ZFC3H1: variants seen among roughly 807,000 people sequenced by gnomAD.
The protein encoded by ZFC3H1 is zinc finger C3H1-type containing.
ZFC3H1 carries 71 observed loss-of-function variants against 243.7 expected under a neutral mutation model. That is an observed-to-expected ratio of 0.29 (90% CI 0.24 to 0.36). The LOEUF is 0.36. Ranked by LOEUF, ZFC3H1 falls within the 10% of genes least tolerant of loss-of-function variation. The pLI, the probability that ZFC3H1 is intolerant of heterozygous loss-of-function variation, is 1.00. For synonymous variants in ZFC3H1, 838 were observed against 813.0 expected, an observed-to-expected ratio of 1.03 and a Z score of -0.52; for missense variants, 1,966 against 2,317.1, an observed-to-expected ratio of 0.85 and a Z score of 3.11.
At position 71,645,209 on chromosome 12, in the gene ZFC3H1, A is replaced by C. The variant is rs190462751; in HGVS notation, c.1081-134T>G. Reference sequence around the variant, plus strand: ...TGACAAGGCAAATACAGATAAAATAAGTAAACTAATTTACTTCCCACAGCC... The same window carrying C: ...TGACAAGGCAAATACAGATAAAATACGTAAACTAATTTACTTCCCACAGCC... On this transcript the variant is annotated intron_variant, in intron 3 of 34. Coordinates refer to ENST00000378743, the MANE Select transcript of ZFC3H1 (RefSeq NM_144982.5). 69 of 778,360 alleles carry C rather than the reference A, an allele frequency of 8.9e-5. No individual in the cohort carries two copies. In the East Asian group the frequency reaches 1.8e-3, roughly 21 times the overall value. 48.2% of individuals were successfully genotyped at this position (778,360 alleles called of 1,614,324 possible). A position where few individuals can be genotyped will look rare whatever the true frequency, so the allele number is the denominator to read the frequency against.
chr12:71,619,865 G>T, intron 26 of ZFC3H1, 61 bp downstream of exon 26: 1 of 1,486,754 alleles, frequency 6.7e-7, no homozygotes, highest in Non-Finnish European at 9.1e-7. Flanking sequence ...TTCCTGGTGA[G>T]GCCAATAGCA....
At chr12:71,659,144 A>G (rs1197800110) in intron 1 of ZFC3H1, among the ~76,000 whole-genome samples, 1 of 152,126 alleles carries the variant, frequency 6.6e-6, no homozygotes, top group Non-Finnish European at 1.5e-5. Flanking sequence ...TCTCATTTTG[A>G]GCATTCTAAT....
At position 71,632,930 on chromosome 12, in the gene ZFC3H1, T is replaced by C. The variant is rs1271007531; in HGVS notation, c.2773A>G (p.Ser925Gly). The change falls in exon 14 of 35, where the codon AGT becomes GGT. Residue 925 changes from serine to glycine, a missense_variant. This residue lies in a region of ZFC3H1 where 1,383 missense variants were observed against 1,723.7 expected (regional missense o/e 0.80). Transcript: ENST00000378743. Reference protein sequence around the residue: ...EELARAKAVASKEIGKRKLEQ... With the variant: ...EELARAKAVAGKEIGKRKLEQ... ...AGTTTACGTTTTCCTATTTCTTTAC[T>C]GGCCACTGCCTTTGCCCGAGCAAGC... The C allele has an allele frequency of 6.2e-7, 1 of 1,613,496 alleles. No individual in the cohort carries two copies. Among genetic ancestry groups the C allele is most frequent in the Non-Finnish European group, 8.5e-7 (1 of 1,179,854 alleles).
At position 71,610,559 on chromosome 12, in the gene ZFC3H1, A is replaced by G. The variant is rs765868931; in HGVS notation, c.5839T>C (p.Leu1947=). Residue 1947 remains leucine, a synonymous_variant, in exon 35 of 35, where the codon TTG becomes CTG. Coordinates refer to ENST00000378743, the MANE Select transcript of ZFC3H1 (RefSeq NM_144982.5). ...LCASLWKDQL[L]FEASEGGKTD... is the part of the protein sequence containing the mutation. Reference sequence around the variant, plus strand: ...TTACCTCCTTCTGATGCTTCAAACAAGAGTTGCTGTAAAAGACAGGGAAGC... The same window carrying G: ...TTACCTCCTTCTGATGCTTCAAACAGGAGTTGCTGTAAAAGACAGGGAAGC... The G allele has an allele frequency of 3.1e-6, 5 of 1,613,300 alleles. No homozygotes were observed. The highest frequency in any genetic ancestry group is 4.2e-6 in the Non-Finnish European group (5 of 1,179,506).
At chr12:71,633,160 A>G (rs1336147777) in intron 13 of ZFC3H1, 104 bp downstream of exon 13, 2 of 1,398,140 alleles carry the variant, frequency 1.4e-6, no homozygotes, top group Admixed American at 2.9e-5. Flanking sequence ...ACTATAGGTT[A>G]TGCATATTTT....
At chr12:71,662,497 T>TC (rs150388437) in intron 1 of ZFC3H1, among the ~76,000 whole-genome samples, 20,371 of 102,846 alleles carry the variant, frequency 0.2, 1,535 homozygotes, top group East Asian at 0.37. Context: ...TTTTTACCCC[T>TC]CCCCCCCCCA....
At chr12:71,618,083 G>C (rs569237462) in intron 27 of ZFC3H1, among the ~76,000 whole-genome samples, 29 of 152,082 alleles carry the variant, frequency 1.9e-4, no homozygotes, top group African/African-American at 5.1e-4. Context: ...TGGGTAACAC[G>C]GTGAAACCTG....
At chr12:71,612,177 C>T (rs751618262) in intron 31 of ZFC3H1, among the ~76,000 whole-genome samples, 1 of 150,980 alleles carries the variant, frequency 6.6e-6, no homozygotes, top group Admixed American at 6.6e-5. Context: ...TGTTTCCCAC[C>T]CCAATTTTTT....
chr12:71,615,415 G>T (rs1879871485), intron 27 of ZFC3H1, 99 bp from the exon 28 acceptor site: 1 of 788,840 alleles, frequency 1.3e-6, no homozygotes, highest in Non-Finnish European at 2.0e-6. Context: ...AAATTTCATT[G>T]AAATATTTTT....
chr12:71,661,484 C>CAT (rs1881174413), intron 1 of ZFC3H1, among the ~76,000 whole-genome samples: 1 of 130,858 alleles, frequency 7.6e-6, no homozygotes, highest in Non-Finnish European at 1.6e-5. Flanking sequence ...TATAATTTTC[C>CAT]TTTTTTTTTT....
Position 71,628,086 on chromosome 12 carries a change from C to T in ZFC3H1, c.3947-152G>A, listed in dbSNP as rs572347926. ...TCACAGCTTTAAGGTAGAGCTATGA[C>T]ATAATTTATCACCCAAACCAGGACC... On this transcript the variant is annotated intron_variant, in intron 20 of 34. Transcript: ENST00000378743. The T allele has an allele frequency of 3.9e-5, 30 of 764,860 alleles. No homozygotes were observed. In the African/African-American group the frequency reaches 3.9e-4, roughly 10 times the overall value. 47.4% of individuals were successfully genotyped at this position (764,860 alleles called of 1,614,324 possible).
At chr12:71,643,916 G>A (rs1880662691) in intron 5 of ZFC3H1, among the ~76,000 whole-genome samples, 179 bp downstream of exon 5, 1 of 152,110 alleles carries the variant, frequency 6.6e-6, no homozygotes, top group African/African-American at 2.4e-5. Context: ...AATAATTTTA[G>A]CCTTCATTTC....
intron 24 of ZFC3H1, among the ~76,000 whole-genome samples, chr12:71,623,149 T>C (rs1880075250): frequency 6.6e-6 from 1 of 152,204 alleles, no homozygotes; most frequent in South Asian, 2.1e-4. Flanking sequence ...AACAATGTAA[T>C]ATCGTGCAGT....
Position 71,626,452 on chromosome 12 carries a change from T to C in ZFC3H1, c.4131-6A>G, listed in dbSNP as rs370833710. 2.3e-5 allele frequency: 37 copies of C among 1,583,980 alleles called. No homozygotes were observed. The highest frequency in any genetic ancestry group is 4.6e-5 in the South Asian group (4 of 86,834). ...CCAAGGATTCTGAGCACTCCCTGTA[T>C]ATATAAAAGAAAAGGTGGAAGTGCT... is the stretch of plus-strand genomic sequence containing the variant. On this transcript the variant is annotated splice_region_variant and splice_polypyrimidine_tract_variant and intron_variant, in intron 21 of 34. Coordinates refer to ENST00000378743, the MANE Select transcript of ZFC3H1 (RefSeq NM_144982.5).
intron 7 of ZFC3H1, among the ~76,000 whole-genome samples, chr12:71,638,181 G>A (rs1280207270): frequency 1.3e-5 from 2 of 151,962 alleles, no homozygotes; most frequent in African/African-American, 4.8e-5. Context: ...AGTGAAGAAG[G>A]AAACATGATA....
rs772880946 is a variant in ZFC3H1 at position 71,619,405 on chromosome 12, C to T, written c.5054G>A (p.Arg1685Gln). ...CAAAAATGGAAGAAGATTATCGCCT[C>T]GATTCTATTTTAAAAAGAGGGAGGG... is the stretch of plus-strand genomic sequence containing the variant. ...HMCKFFILQN[R>Q]GDNLLPFLRK... The change falls in exon 27 of 35, where the codon CGA (arginine) becomes CAA (glutamine). Residue 1685 changes from arginine (R) to glutamine (Q), a missense_variant. Around this residue, in one of 4 missense-constraint regions of ZFC3H1, gnomAD observed 1,383 missense variants for 1,723.7 expected, o/e 0.80. Transcript: ENST00000378743. 12 of 1,612,528 alleles carry T rather than the reference C, an allele frequency of 7.4e-6. No individual in the cohort carries two copies. Among genetic ancestry groups the T allele is most frequent in the Non-Finnish European group, 9.3e-6 (11 of 1,179,318 alleles).
At position 71,636,637 on chromosome 12, in the gene ZFC3H1, A is replaced by C. The variant is rs780323971; in HGVS notation, c.1953T>G (p.Ser651Arg). ...TCAGAACTGGAGGTGAAGGTGGGTC[A>C]CTATTACTGGATGTTTCCTACATAA... ...AFKPEETSSNSDPPSPPVLNN... is the reference protein window; with the variant it reads ...AFKPEETSSNRDPPSPPVLNN... Residue 651 changes from serine to arginine, a missense_variant, in exon 9 of 35, where the codon AGT becomes AGG. Coordinates refer to ENST00000378743, the MANE Select transcript of ZFC3H1 (RefSeq NM_144982.5). 8 of 1,609,476 alleles carry C rather than the reference A, an allele frequency of 5.0e-6. No homozygotes were observed. Among genetic ancestry groups the C allele is most frequent in the Non-Finnish European group, 5.1e-6 (6 of 1,178,794 alleles).
At chr12:71,645,703 T>A (rs140431373) in intron 3 of ZFC3H1, among the ~76,000 whole-genome samples, 13 of 152,346 alleles carry the variant, frequency 8.5e-5, no homozygotes, top group African/African-American at 3.1e-4. Context: ...CAGACAAGAC[T>A]TTTCTTCAGG....
intron 13 of ZFC3H1, 73 bp downstream of exon 13, chr12:71,633,191 G>A (rs1880368831): frequency 1.4e-6 from 2 of 1,461,244 alleles, no homozygotes; most frequent in Non-Finnish European, 1.8e-6. Context: ...GTATACAGTG[G>A]TTTGTCTTAC....
Sources: allele counts gnomAD v4.1 joint callset (sites outside exome capture counted in the v4.1 genomes callset), GRCh38; gene constraint gnomAD v4.1.1; regional missense constraint gnomAD v4.1.1; transcripts MANE v1.5; gene names NCBI Gene and HGNC (gene_info 2026-07-23, HGNC 2026-07-21).